VPS13B: variants seen among roughly 807,000 people sequenced by gnomAD.
VPS13B encodes the protein intermembrane lipid transfer protein VPS13B.
Under a neutral mutation model 426.4 loss-of-function variants are expected in VPS13B, and 285 were observed. The ratio of observed to expected loss-of-function variants is 0.67; its 90% CI spans 0.61 to 0.74. The LOEUF (loss-of-function observed/expected upper bound fraction) is 0.74, where lower values mean the gene tolerates loss of function less well. Among genes scored for constraint, VPS13B ranks in the 30% least tolerant of loss-of-function variants. The probability of loss-of-function intolerance (pLI) is 0.00; values close to 1 mark genes in which losing one functional copy is unlikely to be tolerated. For synonymous variants in VPS13B, 1,676 were observed against 1,676.4 expected (o/e 1.00, Z 0.01); for missense variants, 4,537 against 4,782.6 (o/e 0.95, Z 1.51).
chr8:99,832,872 A>G (rs1815159701), intron 52 of VPS13B, among the ~76,000 whole-genome samples: 1 of 152,186 alleles, frequency 6.6e-6, no homozygotes, highest in Non-Finnish European at 1.5e-5. Flanking sequence ...TATGGAGCTT[A>G]CGCTGGGGGG....
At chr8:99,391,432 C>A in intron 20 of VPS13B, 125 bp from the exon 21 acceptor site, 2 of 1,452,590 alleles carry the variant, frequency 1.4e-6, no homozygotes, top group Non-Finnish European at 1.9e-6. Context: ...GATTGATTTA[C>A]AATAATGAAG....
intron 39 of VPS13B, among the ~76,000 whole-genome samples, chr8:99,730,774 G>A (rs928309098): frequency 6.6e-6 from 1 of 151,620 alleles, no homozygotes; most frequent in Non-Finnish European, 1.5e-5. Flanking sequence ...GGTACCTCCT[G>A]AAGGGTACCT....
intron 16 of VPS13B, among the ~76,000 whole-genome samples, chr8:99,189,000 C>T (rs530658567): frequency 6.6e-6 from 1 of 152,162 alleles, no homozygotes; most frequent in East Asian, 1.9e-4. Flanking sequence ...CCCGGGTTCA[C>T]ACCATTCTCC....
chr8:99,659,623 C>A (rs1788157), intron 34 of VPS13B, among the ~76,000 whole-genome samples: 28,405 of 152,046 alleles, frequency 0.19, 3,233 homozygotes, highest in East Asian at 0.45. Flanking sequence ...CAAGGATAAC[C>A]ATTCTCAGCG....
chr8:99,845,454 G>A (rs975024320), intron 54 of VPS13B, among the ~76,000 whole-genome samples: 3 of 152,178 alleles, frequency 2.0e-5, no homozygotes, highest in African/African-American at 7.2e-5. Flanking sequence ...GGGATCACTC[G>A]TGCATCTGCA....
intron 33 of VPS13B, among the ~76,000 whole-genome samples, chr8:99,619,908 A>G (rs1439791037): frequency 1.3e-5 from 2 of 150,684 alleles, no homozygotes; most frequent in East Asian, 1.9e-4. Flanking sequence ...AATAATAATA[A>G]TAATAATAAT....
At chr8:99,148,572 A>G (rs1334429849) in intron 14 of VPS13B, among the ~76,000 whole-genome samples, 2 of 152,204 alleles carry the variant, frequency 1.3e-5, no homozygotes, top group Non-Finnish European at 2.9e-5. Flanking sequence ...TATGCCAGCT[A>G]TAATGCCATA....
At position 99,871,018 on chromosome 8, in the gene VPS13B, G is replaced by A. The variant is rs896991804; in HGVS notation, c.11495+131G>A. On this transcript the variant is annotated intron_variant, in intron 60 of 61. Coordinates refer to ENST00000357162, the MANE Select transcript of VPS13B (RefSeq NM_152564.5). ...AGCCATTGTTGGCACTGGCATCTCA[G>A]GCAGCACAAGAGCACTGTAGAGGGA... 9 of 911,142 alleles carry A rather than the reference G, an allele frequency of 9.9e-6. No homozygotes were observed. In the African/African-American group the frequency reaches 1.5e-4, roughly 15 times the overall value. The allele number at this position is 911,142 out of a possible 1,614,324, so 56.4% of individuals were successfully genotyped here.
chr8:99,669,244 G>T (rs1450688082), intron 35 of VPS13B, among the ~76,000 whole-genome samples: 2 of 150,654 alleles, frequency 1.3e-5, no homozygotes, highest in Non-Finnish European at 2.9e-5. Context: ...TTAACCATAG[G>T]ATTCCTTAAC....
At chr8:99,533,407 T>C (rs1188817037) in intron 30 of VPS13B, among the ~76,000 whole-genome samples, 1 of 152,216 alleles carries the variant, frequency 6.6e-6, no homozygotes, top group African/African-American at 2.4e-5. Flanking sequence ...AAAAAATTTT[T>C]AAACTCCAAA....
chr8:99,509,146 T>C (rs1402312191), intron 28 of VPS13B, among the ~76,000 whole-genome samples: 1 of 152,178 alleles, frequency 6.6e-6, no homozygotes, highest in Admixed American at 6.5e-5. Flanking sequence ...CTGTGATCAC[T>C]GTGGCCTCTT....
At chr8:99,791,731 A>G (rs1312454119) in intron 43 of VPS13B, among the ~76,000 whole-genome samples, 2 of 151,528 alleles carry the variant, frequency 1.3e-5, no homozygotes, top group Non-Finnish European at 2.9e-5. Flanking sequence ...AAAAAAAAAA[A>G]AAAAAAAAAA....
At position 99,853,771 on chromosome 8, in the gene VPS13B, G is replaced by C. The variant is rs1816412271; in HGVS notation, c.10382G>C (p.Ser3461Thr). Residue 3461 changes from serine to threonine, a missense_variant, in exon 56 of 62, where the codon AGT becomes ACT. Ser to Thr is a moderately conservative substitution (Grantham distance 58). Coordinates refer to ENST00000357162, the MANE Select transcript of VPS13B (RefSeq NM_152564.5). ...CCCATTCAGTGTTCCAAAATGCAGA[G>C]TCTCCTCATATCCAACAAAGAGTTG... is the stretch of plus-strand genomic sequence containing the variant. ...AEPIQCSKMQ[S>T]LLISNKELEE... 6.2e-7 allele frequency: 1 copy of C among 1,614,104 alleles called. No individual in the cohort carries two copies. Among genetic ancestry groups the C allele is most frequent in the Admixed American group, 1.7e-5 (1 of 60,014 alleles).
rs190009435 is a variant in VPS13B at position 99,143,026 on chromosome 8, A to T, written c.1704A>T (p.Thr568=). The T allele has an allele frequency of 6.2e-7, 1 of 1,613,648 alleles. No homozygotes were observed. Among genetic ancestry groups the T allele is most frequent in the Non-Finnish European group, 8.5e-7 (1 of 1,179,840 alleles). ...CAGGGAAAAGTGAAGATTTGGGAACAGTTCAGGAGAAGTCCACCAAAAGCC... is the reference window on the plus strand; with the variant it reads ...CAGGGAAAAGTGAAGATTTGGGAACTGTTCAGGAGAAGTCCACCAAAAGCC... ...FSSGKSEDLG[T]VQEKSTKSLV... Residue 568 remains threonine (T), a synonymous_variant, in exon 13 of 62, where the codon ACA becomes ACT. Transcript: ENST00000357162.
At chr8:99,699,389 A>G (rs1453887734) in intron 35 of VPS13B, 136 bp from the exon 36 acceptor site, 50 of 899,656 alleles carry the variant, frequency 5.6e-5, no homozygotes, top group Non-Finnish European at 8.1e-5. Context: ...AGTAAGAGAT[A>G]TATCATGTTC....
At chr8:99,621,093 G>C (rs77273872) in intron 33 of VPS13B, among the ~76,000 whole-genome samples, 2,873 of 152,006 alleles carry the variant, frequency 0.019, 61 homozygotes, top group Non-Finnish European at 0.027. Flanking sequence ...GTTAGGGTTA[G>C]GAAGAAGTTG....
At chr8:99,835,806 C>G in intron 54 of VPS13B, 68 bp downstream of exon 54, 1 of 1,507,702 alleles carries the variant, frequency 6.6e-7, no homozygotes, top group Non-Finnish European at 9.2e-7. Flanking sequence ...TTGTCAGTTG[C>G]CTATTTTTAA....
chr8:99,481,501 T>C, intron 24 of VPS13B, 98 bp from the exon 25 acceptor site: 2 of 1,333,848 alleles, frequency 1.5e-6, no homozygotes, highest in Non-Finnish European at 2.1e-6. Context: ...ATAAATTTTA[T>C]TTCTCTGGAA....
chr8:99,138,650 G>A (rs1810213446), intron 12 of VPS13B, among the ~76,000 whole-genome samples: 1 of 152,230 alleles, frequency 6.6e-6, no homozygotes, highest in African/African-American at 2.4e-5. Context: ...TGGAGGAAAA[G>A]ATGAGTTTTG....
Sources: gnomAD v4.1 joint callset for allele counts (sites outside exome capture counted in the v4.1 genomes callset) on GRCh38, gnomAD v4.1.1 for gene constraint, MANE v1.5 for transcripts, NCBI Gene and HGNC (gene_info 2026-07-23, HGNC 2026-07-21) for gene names.